NDUFS2: variants seen among roughly 807,000 people sequenced by gnomAD.
The protein encoded by NDUFS2 is NADH dehydrogenase [ubiquinone] iron-sulfur protein 2, mitochondrial.
In NDUFS2, 38 loss-of-function variants were observed where a neutral mutation model predicts 69.6. The ratio of observed to expected loss-of-function variants is 0.55; its 90% CI spans 0.42 to 0.72. The LOEUF is 0.72. NDUFS2 is among the 30% of genes least tolerant of loss of function. The pLI is 0.00. For missense variants in NDUFS2, 468 were observed against 595.0 expected (o/e 0.79, Z 2.22); for synonymous variants, 194 against 211.2 (o/e 0.92, Z 0.70).
chr1:161,202,710 G>C (rs1665210728), intron 1 of NDUFS2, among the ~76,000 whole-genome samples: 1 of 152,170 alleles, frequency 6.6e-6, no homozygotes, highest in Non-Finnish European at 1.5e-5. Context: ...CTGCTTTTTA[G>C]CTTCAGTAAT....
chr1:161,211,460 C>G (rs1665764801), intron 9 of NDUFS2, among the ~76,000 whole-genome samples: 1 of 152,058 alleles, frequency 6.6e-6, no homozygotes, highest in African/African-American at 2.4e-5. Flanking sequence ...ACCAGCCTGG[C>G]CAACATGGTG....
Position 161,203,404 on chromosome 1 carries a change from C to G in NDUFS2, c.96-33C>G. On this transcript the variant is annotated intron_variant, in intron 1 of 13. Coordinates refer to ENST00000676972, the MANE Select transcript of NDUFS2 (RefSeq NM_001377299.1). ...ACACAGGAACCAAACACTGTTCAGGCCCTTTGTCTAGGATCTGTCTTTGAC... is the reference window on the plus strand; with the variant it reads ...ACACAGGAACCAAACACTGTTCAGGGCCTTTGTCTAGGATCTGTCTTTGAC... The G allele has an allele frequency of 1.9e-6, 3 of 1,562,762 alleles. No individual in the cohort carries two copies. In the Middle Eastern group the frequency reaches 5.0e-4, roughly 263 times the overall value.
At position 161,210,124 on chromosome 1, in the gene NDUFS2, G is replaced by T; in HGVS notation, c.716G>T (p.Gly239Val). 6.2e-7 allele frequency: 1 copy of T among 1,614,064 alleles called. No individual in the cohort carries two copies. The highest frequency in any genetic ancestry group is 8.5e-7 in the Non-Finnish European group (1 of 1,180,018). ...TTTGGCTTCTAGGACCTACCCCTTG[G>T]GCTTATGGATGACATTTATCAGTTT... ...PGGVHQDLPLGLMDDIYQFSK... is the reference protein window; with the variant it reads ...PGGVHQDLPLVLMDDIYQFSK... The change falls in exon 7 of 14, where the codon GGG (glycine) becomes GTG (valine). Residue 239 changes from glycine to valine, a missense_variant. Gly to Val is a moderately radical substitution (Grantham distance 109). Coordinates refer to ENST00000676972, the MANE Select transcript of NDUFS2 (RefSeq NM_001377299.1).
At chr1:161,198,190 C>T (rs1439815359), upstream of NDUFS2, 1 of 1,614,100 alleles carries the variant, frequency 6.2e-7, no homozygotes. This position sits in a 1 kb window ranked among gnomAD's most constrained non-coding sequence, Gnocchi z 4.7. Flanking sequence ...ACAGGGCTCC[C>T]CCATCCCAGT....
Position 161,206,390 on chromosome 1 carries a change from T to A in NDUFS2, c.203-17T>A, listed in dbSNP as rs761443459. 1.2e-6 allele frequency: 2 copies of A among 1,613,962 alleles called. No homozygotes were observed. The highest frequency in any genetic ancestry group is 1.7e-4 in the Middle Eastern group (1 of 6,050). ...AGGGAATAACCATGTGGCTCTGAAC[T>A]ATTTCTTACTTCTCAGATGTGGACC... is the stretch of plus-strand genomic sequence containing the variant. On this transcript the variant is annotated splice_polypyrimidine_tract_variant and intron_variant, in intron 2 of 13. Transcript: ENST00000676972.
At position 161,209,876 on chromosome 1, in the gene NDUFS2, G is replaced by T. The variant is rs747789209; in HGVS notation, c.647G>T (p.Arg216Leu). 3 of 1,614,082 alleles carry T rather than the reference G, an allele frequency of 1.9e-6. No individual in the cohort carries two copies. Among genetic ancestry groups the T allele is most frequent in the Non-Finnish European group, 2.5e-6 (3 of 1,180,030 alleles). The part of the protein sequence containing the change: ...EREKMFEFYE[R>L]VSGARMHAAY... ...ATGAAGATGTTTGAGTTCTACGAGC[G>T]AGTGTCTGGAGCCCGAATGCATGCT... The change falls in exon 6 of 14, where the codon CGA becomes CTA. Residue 216 changes from arginine to leucine, a missense_variant. By Grantham distance (102) the Arg-to-Leu change is moderately radical. Around this residue, in one of 3 missense-constraint regions of NDUFS2, gnomAD observed 339 missense variants for 433.8 expected, o/e 0.78. Transcript: ENST00000676972.
At chr1:161,213,997 A>G (rs969038902) in intron 13 of NDUFS2, 76 bp downstream of exon 13, 1 of 1,613,680 alleles carries the variant, frequency 6.2e-7, no homozygotes, top group African/African-American at 1.3e-5. Flanking sequence ...GAAGGAGAAC[A>G]CTTCCTGTTC....
chr1:161,197,698 G>A (rs988155869), upstream of NDUFS2, among the ~76,000 whole-genome samples: 5 of 152,016 alleles, frequency 3.3e-5, no homozygotes, highest in Admixed American at 3.3e-4. Flanking sequence ...TGGGGACTGT[G>A]TCAGTAGGAG....
intron 9 of NDUFS2, among the ~76,000 whole-genome samples, 173 bp from the exon 10 acceptor site, chr1:161,212,178 A>G (rs573251241): frequency 2.0e-5 from 3 of 151,936 alleles, no homozygotes; most frequent in Non-Finnish European, 4.4e-5. Context: ...CAGAAAAAAA[A>G]AAAAAGACTA....
chr1:161,210,536 G>A, intron 8 of NDUFS2, 55 bp from the exon 9 acceptor site: 1 of 1,612,506 alleles, frequency 6.2e-7, no homozygotes, highest in Non-Finnish European at 8.5e-7. Flanking sequence ...GGAAGAAGGA[G>A]CCTCCTTACT....
In NDUFS2 at chr1:161,202,462, T is replaced by C; in HGVS notation, c.77T>C (p.Leu26Ser). Residue 26 changes from leucine (L) to serine (S), a missense_variant, in exon 1 of 14, where the codon TTG becomes TCG. Leu to Ser is a moderately radical substitution (Grantham distance 145). This residue lies in a region of NDUFS2 where 57 missense variants were observed against 42.3 expected (regional missense o/e 1.35). Coordinates refer to ENST00000676972, the MANE Select transcript of NDUFS2 (RefSeq NM_001377299.1). The stretch of plus-strand genomic sequence containing the variant: ...CTGCGGCCTGGGGCTGGAGTCCGAT[T>C]GCCGATTCAGCCCAGCAGGTGAGAT... ...QVLRPGAGVR[L>S]PIQPSRGVRQ... The C allele has an allele frequency of 6.2e-7, 1 of 1,611,914 alleles. No individual in the cohort carries two copies. Among genetic ancestry groups the C allele is most frequent in the Non-Finnish European group, 8.5e-7 (1 of 1,179,390 alleles).
In NDUFS2 at chr1:161,213,869, T is replaced by C; in HGVS notation, c.1302T>C (p.Gly434=). The C allele has an allele frequency of 6.2e-7, 1 of 1,614,170 alleles. No homozygotes were observed. The highest frequency in any genetic ancestry group is 1.1e-5 in the South Asian group (1 of 91,084). The part of the protein sequence containing the change: ...IKAPGFAHLA[G]LDKMSKGHML... ...TGCCATCTCAATCTCCCTAGGCTGG[T>C]TTGGACAAGATGTCTAAGGGACACA... is the stretch of plus-strand genomic sequence containing the variant. Residue 434 remains glycine, a synonymous_variant, in exon 13 of 14, where the codon GGT becomes GGC. Coordinates refer to ENST00000676972, the MANE Select transcript of NDUFS2 (RefSeq NM_001377299.1).
chr1:161,202,631 C>T (rs1469065006), intron 1 of NDUFS2, 151 bp downstream of exon 1: 1 of 862,398 alleles, frequency 1.2e-6, no homozygotes, highest in South Asian at 1.4e-5. Context: ...GTGGCGCCCA[C>T]TCTGGCGAGG....
upstream of NDUFS2, chr1:161,202,226 C>G (rs1665168168): frequency 1.4e-6 from 1 of 713,570 alleles, no homozygotes; most frequent in African/African-American, 1.7e-5. Flanking sequence ...GCAAGTGAAG[C>G]CGAGTCACAG....
chr1:161,204,559 T>C (rs1275272698), intron 2 of NDUFS2, among the ~76,000 whole-genome samples: 1 of 152,224 alleles, frequency 6.6e-6, no homozygotes, highest in African/African-American at 2.4e-5. Context: ...ATCACCTTCA[T>C]CTTCCCCAAA....
upstream of NDUFS2, among the ~76,000 whole-genome samples, chr1:161,197,642 A>C (rs772670350): frequency 6.6e-6 from 1 of 152,136 alleles, no homozygotes; most frequent in African/African-American, 2.4e-5. Flanking sequence ...AATTTGGAGC[A>C]GAGAAAAGAG....
rs1383274357 is a variant in NDUFS2, at chr1:161,213,370, C to G, written c.1117-10C>G. ...ATGGTTTATTGATGCTCCCTGTTTCCTCTCTTCAGACTTCCATGGAGTCAC... is the reference window on the plus strand; with the variant it reads ...ATGGTTTATTGATGCTCCCTGTTTCGTCTCTTCAGACTTCCATGGAGTCAC... On this transcript the variant is annotated splice_polypyrimidine_tract_variant and intron_variant, in intron 10 of 13. Transcript: ENST00000676972. The G allele has an allele frequency of 1.9e-6, 3 of 1,594,284 alleles. No homozygotes were observed. The African/African-American group carries it at 4.0e-5, about 21-fold the overall frequency.
chr1:161,207,017 T>C (rs1665504784), intron 3 of NDUFS2, among the ~76,000 whole-genome samples: 1 of 152,216 alleles, frequency 6.6e-6, no homozygotes, highest in South Asian at 2.1e-4. Flanking sequence ...AAACATTCAA[T>C]GAGTCACAGC....
At chr1:161,207,253 G>A (rs889214385) in intron 3 of NDUFS2, among the ~76,000 whole-genome samples, 8 of 152,186 alleles carry the variant, frequency 5.3e-5, no homozygotes, top group Non-Finnish European at 7.3e-5. Flanking sequence ...GAGCCTCGGC[G>A]ATGACAGTTT....
Sources: allele counts gnomAD v4.1 joint callset (sites outside exome capture counted in the v4.1 genomes callset), GRCh38; gene constraint gnomAD v4.1.1; regional missense constraint gnomAD v4.1.1; non-coding constraint Gnocchi (gnomAD v3.1); transcripts MANE v1.5; gene names NCBI Gene and HGNC (gene_info 2026-07-23, HGNC 2026-07-21).